The following PJA2 variants were observed in gnomAD, a reference collection of about 807,000 sequenced individuals.
The protein encoded by PJA2 is E3 ubiquitin-protein ligase Praja-2.
Under a neutral mutation model 69.3 loss-of-function variants are expected in PJA2, and 25 were observed. The observed-to-expected ratio is 0.36, with a 90% CI of 0.26 to 0.50. PJA2 has a LOEUF of 0.50. Ranked by LOEUF, PJA2 falls within the 20% of genes least tolerant of loss-of-function variation. PJA2 has a pLI of 0.96. For missense variants in PJA2, 809 were observed against 830.2 expected, an observed-to-expected ratio of 0.97 and a Z score of 0.31; for synonymous variants, 308 against 277.8, an observed-to-expected ratio of 1.11 and a Z score of -1.08.
chr5:109,379,530 C>T (rs966818094), intron 3 of PJA2, among the ~76,000 whole-genome samples: 1 of 152,190 alleles, frequency 6.6e-6, no homozygotes, highest in Admixed American at 6.5e-5. Flanking sequence ...TTCTGCAAGA[C>T]ATATAAAGGA....
intron 1 of PJA2, among the ~76,000 whole-genome samples, chr5:109,386,107 T>G (rs1446327619): frequency 1.3e-5 from 2 of 150,634 alleles, no homozygotes; most frequent in Non-Finnish European, 2.9e-5. Context: ...CTGAGGTCAG[T>G]GAGACTCTGT....
chr5:109,384,525 C>T (rs73209515), intron 1 of PJA2, among the ~76,000 whole-genome samples: 2,390 of 152,172 alleles, frequency 0.016, 59 homozygotes, highest in African/African-American at 0.055. Flanking sequence ...TATTTAAACA[C>T]CTTATTTATT....
At position 109,406,647 on chromosome 5, in the gene PJA2, C is replaced by G. The variant is rs536723875; in HGVS notation, c.-88+3195G>C. Among the ~76,000 whole-genome samples the G allele has an allele frequency of 7.9e-5, 12 of 152,168 alleles. No individual in the cohort carries two copies. The South Asian group carries it at 2.5e-3, about 32-fold the overall frequency. ...TATAAACATCCATGTATCATACAAC[C>G]CAACAAGTTCCATGTCTAGGTATTT... On this transcript the variant is annotated intron_variant, in intron 1 of 9. Coordinates refer to ENST00000361189, the MANE Select transcript of PJA2 (RefSeq NM_014819.5).
intron 9 of PJA2, among the ~76,000 whole-genome samples, chr5:109,339,263 TGATA>T (rs1165279441): frequency 6.6e-6 from 1 of 151,944 alleles, no homozygotes; most frequent in Non-Finnish European, 1.5e-5. Context: ...AATGATGGCA[TGATA>T]GATAATGAAG....
At position 109,378,863 on chromosome 5, in the gene PJA2, C is replaced by T. The variant is rs747918205; in HGVS notation, c.624G>A (p.Glu208=). ...GTGAAAGACCAGTGTATGCCTCTGC[C>T]TCTCTGTTTTCCAACTCAAATACTG... ...GNTVFELENR[E]AEAYTGLSPP... Residue 208 remains glutamate (E), a synonymous_variant, in exon 4 of 10, where the codon GAG becomes GAA. Transcript: ENST00000361189. 6.0e-5 allele frequency: 97 copies of T among 1,613,930 alleles called. 1 individual carries two copies. The East Asian group carries it at 2.1e-3, about 36-fold the overall frequency.
At chr5:109,408,609 A>G (rs573891780) in intron 1 of PJA2, among the ~76,000 whole-genome samples, 2 of 152,324 alleles carry the variant, frequency 1.3e-5, no homozygotes, top group South Asian at 2.1e-4. Context: ...AATGAACACT[A>G]AACTGTCAAC....
chr5:109,384,970 C>G (rs534121375), intron 1 of PJA2, among the ~76,000 whole-genome samples: 25 of 152,240 alleles, frequency 1.6e-4, no homozygotes, highest in African/African-American at 6.0e-4. Context: ...GCGTGTGCCA[C>G]CATGCCCGGC....
At chr5:109,353,537 TC>T (rs1358696136) in intron 7 of PJA2, among the ~76,000 whole-genome samples, 2 of 116,458 alleles carry the variant, frequency 1.7e-5, no homozygotes, top group African/African-American at 5.3e-5. Flanking sequence ...ATCTATAATA[TC>T]ATAGATATCT....
intron 5 of PJA2, among the ~76,000 whole-genome samples, chr5:109,366,728 A>G (rs1762590067): frequency 6.6e-6 from 1 of 152,252 alleles, no homozygotes; most frequent in African/African-American, 2.4e-5. Context: ...TGCCTGGCAC[A>G]AAGTAAATGC....
chr5:109,347,957 C>T (rs1055793348), intron 7 of PJA2, among the ~76,000 whole-genome samples: 9 of 152,196 alleles, frequency 5.9e-5, no homozygotes, highest in African/African-American at 1.9e-4. Context: ...AGAGTGGTCC[C>T]GGGACACAGA....
At chr5:109,372,154 A>G (rs1298876789) in intron 4 of PJA2, among the ~76,000 whole-genome samples, 3 of 152,236 alleles carry the variant, frequency 2.0e-5, no homozygotes, top group African/African-American at 7.2e-5. Flanking sequence ...CATAATGATT[A>G]AATTAAAAAC....
intron 7 of PJA2, among the ~76,000 whole-genome samples, chr5:109,348,011 T>C (rs1762196126): frequency 6.6e-6 from 1 of 152,182 alleles, no homozygotes; most frequent in Non-Finnish European, 1.5e-5. Context: ...TTACACCTGT[T>C]GAGCTTGAGC....
chr5:109,366,193 T>A (rs775995578), intron 5 of PJA2, among the ~76,000 whole-genome samples: 2 of 152,150 alleles, frequency 1.3e-5, no homozygotes, highest in Non-Finnish European at 2.9e-5. Context: ...TCTACACACA[T>A]CATGGTAATA....
At chr5:109,377,184 G>A (rs1430026300) in intron 4 of PJA2, among the ~76,000 whole-genome samples, 3 of 151,914 alleles carry the variant, frequency 2.0e-5, no homozygotes, top group Non-Finnish European at 2.9e-5. Flanking sequence ...TAATTCATAT[G>A]TCCAAAGAAA....
chr5:109,344,256 A>G lies in PJA2; in HGVS notation c.1935T>C (p.Asp645=). ...PICCSEYIKD[D]IATELPCHHF... ...GGTGACAGGGCAACTCTGTTGCTAT[A>G]TCATCCTTAATATACTCACTGCAAC... The change falls in exon 9 of 10, where the codon GAT becomes GAC. Residue 645 remains aspartate (D), a synonymous_variant. Transcript: ENST00000361189. 6.2e-7 allele frequency: 1 copy of G among 1,612,262 alleles called. No homozygotes were observed. The highest frequency in any genetic ancestry group is 8.5e-7 in the Non-Finnish European group (1 of 1,179,058).
Position 109,354,668 on chromosome 5 carries a change from CAATAT to C in PJA2, c.1764+1242_1764+1246del, listed in dbSNP as rs1322165873. 2.2e-4 allele frequency among the ~76,000 whole-genome samples: 32 copies of C among 144,160 alleles called. No homozygotes were observed. The East Asian group carries it at 6.3e-3, about 28-fold the overall frequency. The allele number at this position is 144,160 out of a possible 152,430, so 94.6% of individuals were successfully genotyped here. A position where few individuals can be genotyped will look rare whatever the true frequency, so the allele number is the denominator to read the frequency against. On this transcript the variant is annotated intron_variant, in intron 7 of 9. Transcript: ENST00000361189. The stretch of plus-strand genomic sequence containing the variant: ...TGTTATATATCTAATATATAATATA[CAATAT>C]ATTAGAGATCATTTAAAGACAAATT...
Position 109,378,545 on chromosome 5 carries a change from C to T in PJA2, c.942G>A (p.Val314=). ...KNHGSSPEQV[V]RPKVRKLISS... is the part of the protein sequence containing the mutation. ...TTATCAGTTTTCTAACTTTTGGCCT[C>T]ACTACCTGTTCAGGAGAACTTCCAT... is the stretch of plus-strand genomic sequence containing the variant. The change falls in exon 4 of 10, where the codon GTG becomes GTA. Residue 314 remains valine, a synonymous_variant. Transcript: ENST00000361189. 1 of 1,614,188 alleles carries T rather than the reference C, an allele frequency of 6.2e-7. No homozygotes were observed. The highest frequency in any genetic ancestry group is 8.5e-7 in the Non-Finnish European group (1 of 1,180,024).
At chr5:109,384,629 T>C (rs1747119267) in intron 1 of PJA2, among the ~76,000 whole-genome samples, 1 of 152,156 alleles carries the variant, frequency 6.6e-6, no homozygotes, top group Admixed American at 6.5e-5. Context: ...CACAGACAGA[T>C]ATATATTAAC....
At chr5:109,347,945 T>G (rs1353582111) in intron 7 of PJA2, among the ~76,000 whole-genome samples, 1 of 152,184 alleles carries the variant, frequency 6.6e-6, no homozygotes, top group South Asian at 2.1e-4. Context: ...GAATTCATAT[T>G]AAGAGTGGTC....
Sources: gnomAD v4.1 joint callset for allele counts (sites outside exome capture counted in the v4.1 genomes callset) on GRCh38, gnomAD v4.1.1 for gene constraint, MANE v1.5 for transcripts, NCBI Gene and HGNC (gene_info 2026-07-23, HGNC 2026-07-21) for gene names.